NXPE3: variants seen among roughly 807,000 people sequenced by gnomAD.
NXPE3 encodes the protein neurexophilin and PC-esterase domain family member 3, also known as NXPE family member 3.
NXPE3 carries 26 observed loss-of-function variants against 46.1 expected under a neutral mutation model. That is an observed-to-expected ratio of 0.56 (90% CI 0.41 to 0.78). The LOEUF is 0.78. Ranked by LOEUF, NXPE3 falls within the 30% of genes least tolerant of loss-of-function variation. The probability of loss-of-function intolerance (pLI) is 0.00; values close to 1 mark genes in which losing one functional copy is unlikely to be tolerated. For synonymous variants in NXPE3, 272 were observed against 257.9 expected (o/e 1.05, Z -0.52); for missense variants, 620 against 686.0 (o/e 0.90, Z 1.07).
intron 4 of NXPE3, among the ~76,000 whole-genome samples, chr3:101,796,868 A>T (rs535920489): frequency 3.9e-5 from 6 of 152,288 alleles, no homozygotes; most frequent in Non-Finnish European, 7.4e-5. Context: ...GTGGTTTGTT[A>T]TAGGTGGGGA....
chr3:101,789,838 C>T (rs1353335613), intron 4 of NXPE3, among the ~76,000 whole-genome samples: 1 of 151,986 alleles, frequency 6.6e-6, no homozygotes, highest in Non-Finnish European at 1.5e-5. Flanking sequence ...CTACAGGTGT[C>T]TGCAACCATG....
At chr3:101,811,976 C>T (rs754109630) in intron 6 of NXPE3, among the ~76,000 whole-genome samples, 5 of 151,988 alleles carry the variant, frequency 3.3e-5, no homozygotes, top group Non-Finnish European at 4.4e-5. Flanking sequence ...TCAAGTGATC[C>T]GCCTGCCTTG....
intron 4 of NXPE3, among the ~76,000 whole-genome samples, chr3:101,800,989 A>G (rs944203152): frequency 1.3e-5 from 2 of 152,140 alleles, no homozygotes; most frequent in African/African-American, 4.8e-5. Context: ...AGGTTCTGAT[A>G]AAGTGGTTTC....
At position 101,801,908 on chromosome 3, in the gene NXPE3, C is replaced by G; in HGVS notation, c.767C>G (p.Pro256Arg). 2 of 1,614,126 alleles carry G rather than the reference C, an allele frequency of 1.2e-6. No individual in the cohort carries two copies. The highest frequency in any genetic ancestry group is 1.7e-6 in the Non-Finnish European group (2 of 1,180,006). ...PWFCFKPKKL[P>R]CSSRITHFKG... ...TTCTGCTTCAAACCAAAGAAGCTCC[C>G]TTGCAGCAGCAGAATTACCCATTTC... The change falls in exon 5 of 8, where the codon CCT becomes CGT. Residue 256 changes from proline to arginine, a missense_variant. Around this residue, in one of 3 missense-constraint regions of NXPE3, gnomAD observed 511 missense variants for 528.6 expected, o/e 0.97. Transcript: ENST00000273347.
chr3:101,788,175 T>C (rs1576730103), intron 4 of NXPE3, among the ~76,000 whole-genome samples: 1 of 152,248 alleles, frequency 6.6e-6, no homozygotes, highest in East Asian at 1.9e-4. Context: ...TATCATGTGC[T>C]TTTGGATAAA....
At chr3:101,802,917 CTG>C (rs1941235386) in intron 5 of NXPE3, among the ~76,000 whole-genome samples, 1 of 149,118 alleles carries the variant, frequency 6.7e-6, no homozygotes, top group Non-Finnish European at 1.5e-5. Flanking sequence ...TGGCTCATGA[CTG>C]TAGTCCCAGC....
intron 5 of NXPE3, among the ~76,000 whole-genome samples, chr3:101,806,232 T>TC (rs1260943189): frequency 6.6e-6 from 1 of 152,212 alleles, no homozygotes; most frequent in Non-Finnish European, 1.5e-5. Flanking sequence ...GACTGCACAT[T>TC]CCCATATCAA....
intron 5 of NXPE3, among the ~76,000 whole-genome samples, chr3:101,805,605 A>T (rs924693335): frequency 7.9e-5 from 12 of 151,964 alleles, no homozygotes; most frequent in African/African-American, 2.7e-4. Context: ...ATAGCTGGCT[A>T]ATTTTTGTAT....
At chr3:101,794,769 T>C (rs1282002614) in intron 4 of NXPE3, among the ~76,000 whole-genome samples, 2 of 152,188 alleles carry the variant, frequency 1.3e-5, no homozygotes, top group African/African-American at 4.8e-5. Flanking sequence ...ACATCAGTAA[T>C]GTTATAACAG....
At chr3:101,810,928 C>T (rs901054393) in intron 6 of NXPE3, among the ~76,000 whole-genome samples, 1 of 151,926 alleles carries the variant, frequency 6.6e-6, no homozygotes, top group Non-Finnish European at 1.5e-5. Context: ...CTCCTGTGTT[C>T]AAGCGATTCT....
At chr3:101,783,069 C>CT (rs1168759412) in intron 3 of NXPE3, among the ~76,000 whole-genome samples, 13 of 149,590 alleles carry the variant, frequency 8.7e-5, no homozygotes, top group East Asian at 3.9e-4. Flanking sequence ...TATATCTTTT[C>CT]TTTTTTTTTT....
At chr3:101,798,604 T>A (rs35687448) in intron 4 of NXPE3, among the ~76,000 whole-genome samples, 36,492 of 120,936 alleles carry the variant, frequency 0.3, 5,195 homozygotes, top group East Asian at 0.58. Context: ...ATATATATAT[T>A]TTTTTTTTTT....
intron 6 of NXPE3, among the ~76,000 whole-genome samples, chr3:101,811,030 A>G (rs1454487563): frequency 1.3e-5 from 2 of 152,118 alleles, no homozygotes; most frequent in African/African-American, 4.8e-5. Flanking sequence ...TGTGTTGGCC[A>G]GGCTGGTCTC....
chr3:101,801,894 A>T lies in NXPE3; in HGVS notation c.753A>T (p.Lys251Asn). ...LYTGEPWFCF[K>N]PKKLPCSSRI... ...CTGGGGAGCCCTGGTTCTGCTTCAA[A>T]CCAAAGAAGCTCCCTTGCAGCAGCA... Residue 251 changes from lysine (K) to asparagine (N), a missense_variant, in exon 5 of 8, where the codon AAA becomes AAT. Transcript: ENST00000273347. The T allele has an allele frequency of 6.2e-7, 1 of 1,614,122 alleles. No homozygotes were observed. Among genetic ancestry groups the T allele is most frequent in the Non-Finnish European group, 8.5e-7 (1 of 1,180,006 alleles).
At chr3:101,793,599 C>CT (rs1264803581) in intron 4 of NXPE3, among the ~76,000 whole-genome samples, 109 of 42,082 alleles carry the variant, frequency 2.6e-3, no homozygotes, top group Non-Finnish European at 5.2e-3. Context: ...TTTTTTCTGC[C>CT]TTTTTTTTTT....
chr3:101,803,238 A>G (rs1053980326), intron 5 of NXPE3, among the ~76,000 whole-genome samples: 1 of 152,210 alleles, frequency 6.6e-6, no homozygotes, highest in African/African-American at 2.4e-5. Flanking sequence ...AGTTGCTACC[A>G]TAAAGTATGT....
intron 4 of NXPE3, among the ~76,000 whole-genome samples, chr3:101,800,174 C>T (rs1405165487): frequency 6.6e-6 from 1 of 151,982 alleles, no homozygotes; most frequent in East Asian, 1.9e-4. Flanking sequence ...GGTTGTTTTT[C>T]TTTCCTAAAA....
chr3:101,785,694 G>T lies in NXPE3; in HGVS notation c.93+5G>T. 1 of 1,611,636 alleles carries T rather than the reference G, an allele frequency of 6.2e-7. No homozygotes were observed. Among genetic ancestry groups the T allele is most frequent in the Non-Finnish European group, 8.5e-7 (1 of 1,177,834 alleles). ...ATCAATGTTACTCAGGTAGAGGTGA[G>T]TACCCAGTATAATCCCTCATAACTA... On this transcript the variant is annotated splice_donor_5th_base_variant and intron_variant, in intron 4 of 7. Coordinates refer to ENST00000273347, the MANE Select transcript of NXPE3 (RefSeq NM_145037.4).
intron 6 of NXPE3, among the ~76,000 whole-genome samples, chr3:101,811,727 ATTTTTTTT>A (rs33999838): frequency 6.1e-5 from 6 of 98,632 alleles, no homozygotes; most frequent in South Asian, 3.5e-4. Context: ...GCAGTAGTTA[ATTTTTTTT>A]TTTTTTTTTT....
Sources: gnomAD v4.1 joint callset for allele counts (sites outside exome capture counted in the v4.1 genomes callset) on GRCh38, gnomAD v4.1.1 for gene constraint, gnomAD v4.1.1 regional missense constraint, MANE v1.5 for transcripts, NCBI Gene and HGNC (gene_info 2026-07-23, HGNC 2026-07-21) for gene names.